PDSS2: variants seen among roughly 807,000 people sequenced by gnomAD.
The protein encoded by PDSS2 is decaprenyl diphosphate synthase subunit 2.
Under a neutral mutation model 44.5 loss-of-function variants are expected in PDSS2, and 31 were observed. That is an observed-to-expected ratio of 0.70 (90% CI 0.52 to 0.94). The LOEUF is 0.94. Among genes scored for constraint, PDSS2 ranks in the 40% least tolerant of loss-of-function variants. The pLI is 0.00. For synonymous variants in PDSS2, 157 were observed against 180.3 expected, an observed-to-expected ratio of 0.87 and a Z score of 1.03; for missense variants, 452 against 482.2, an observed-to-expected ratio of 0.94 and a Z score of 0.59.
intron 1 of PDSS2, among the ~76,000 whole-genome samples, chr6:107,400,826 C>T (rs1280190300): frequency 6.6e-6 from 1 of 152,192 alleles, no homozygotes; most frequent in East Asian, 1.9e-4. Flanking sequence ...CCTGGCCCAG[C>T]TCTACCCAGC....
intron 1 of PDSS2, among the ~76,000 whole-genome samples, chr6:107,428,204 A>T (rs1053573350): frequency 5.9e-5 from 9 of 152,246 alleles, no homozygotes; most frequent in African/African-American, 2.2e-4. Flanking sequence ...GAAGATTTCA[A>T]AATAAAAGGA....
intron 3 of PDSS2, among the ~76,000 whole-genome samples, chr6:107,261,207 GTCTCTTTCTGTCCCTTCCCAAA>G (rs1449351974): frequency 1.3e-5 from 2 of 152,172 alleles, no homozygotes; most frequent in Non-Finnish European, 2.9e-5. Context: ...TGTATACTGT[GTCTCTTTCTGTCCCTTCCCAAA>G]TCTCATGTTG....
At chr6:107,290,866 T>C (rs1026672544) in intron 2 of PDSS2, among the ~76,000 whole-genome samples, 4 of 152,138 alleles carry the variant, frequency 2.6e-5, no homozygotes, top group Non-Finnish European at 5.9e-5. Flanking sequence ...ATACTAGCTT[T>C]TTTCCCCCCA....
chr6:107,450,522 C>T (rs1190086261), intron 1 of PDSS2, among the ~76,000 whole-genome samples: 1 of 152,122 alleles, frequency 6.6e-6, no homozygotes. Context: ...ACTCCAAAAA[C>T]CATCAAGGTG....
chr6:107,370,967 G>C (rs534161094), intron 1 of PDSS2, among the ~76,000 whole-genome samples: 8 of 152,084 alleles, frequency 5.3e-5, no homozygotes, highest in Non-Finnish European at 1.0e-4. Flanking sequence ...GGCAGATCAC[G>C]AGGTCAGAAG....
intron 1 of PDSS2, among the ~76,000 whole-genome samples, chr6:107,373,048 A>G (rs1352795149): frequency 7.2e-6 from 1 of 139,772 alleles, no homozygotes; most frequent in Non-Finnish European, 1.5e-5. Context: ...CAGTGGTGTG[A>G]TCTCGGCTCA....
chr6:107,338,826 A>T (rs1408103991), intron 1 of PDSS2, among the ~76,000 whole-genome samples: 1 of 152,328 alleles, frequency 6.6e-6, no homozygotes, highest in East Asian at 1.9e-4. Context: ...CTGGAGGGGC[A>T]CAGGAGAGTT....
chr6:107,327,498 G>A (rs752975559), intron 2 of PDSS2, among the ~76,000 whole-genome samples: 1 of 152,214 alleles, frequency 6.6e-6, no homozygotes, highest in Non-Finnish European at 1.5e-5. Flanking sequence ...GACAGGGCCA[G>A]GCAGGCTGGG....
intron 4 of PDSS2, among the ~76,000 whole-genome samples, chr6:107,244,933 G>A (rs926164638): frequency 1.3e-5 from 2 of 152,012 alleles, no homozygotes; most frequent in Admixed American, 6.6e-5. Flanking sequence ...ACATCCTACC[G>A]AAATGAAATA....
At chr6:107,184,204 GT>G (rs1051516972) in intron 7 of PDSS2, among the ~76,000 whole-genome samples, 1 of 152,126 alleles carries the variant, frequency 6.6e-6, no homozygotes, top group Non-Finnish European at 1.5e-5. Flanking sequence ...TTTTCTAAAT[GT>G]GCCAATGTGA....
chr6:107,431,491 CT>C (rs373585861), intron 1 of PDSS2, among the ~76,000 whole-genome samples: 468 of 152,302 alleles, frequency 3.1e-3, no homozygotes, highest in African/African-American at 0.011. Context: ...TCATGCGAAC[CT>C]GCTGCTTTGG....
At chr6:107,272,448 C>A (rs1775633621) in intron 3 of PDSS2, among the ~76,000 whole-genome samples, 1 of 151,988 alleles carries the variant, frequency 6.6e-6, no homozygotes, top group African/African-American at 2.4e-5. Context: ...ATGCCTCGGG[C>A]CATGATGTGG....
At chr6:107,239,641 T>TC (rs1174063296) in intron 4 of PDSS2, among the ~76,000 whole-genome samples, 1 of 137,366 alleles carries the variant, frequency 7.3e-6, no homozygotes, top group African/African-American at 2.7e-5. Flanking sequence ...TACCTTTTTT[T>TC]TTTTTTTTTT....
At chr6:107,240,544 G>A (rs944464228) in intron 4 of PDSS2, among the ~76,000 whole-genome samples, 4 of 151,828 alleles carry the variant, frequency 2.6e-5, no homozygotes, top group South Asian at 2.1e-4. Flanking sequence ...GATTACAGGC[G>A]CGCACCACCA....
intron 1 of PDSS2, among the ~76,000 whole-genome samples, chr6:107,393,122 G>T (rs1779834085): frequency 6.6e-6 from 1 of 151,766 alleles, no homozygotes; most frequent in Non-Finnish European, 1.5e-5. Flanking sequence ...GTTTATTCAG[G>T]TAGAAGCTTA....
chr6:107,292,778 G>A (rs955123998), intron 2 of PDSS2, among the ~76,000 whole-genome samples: 1 of 151,974 alleles, frequency 6.6e-6, no homozygotes, highest in South Asian at 2.1e-4. Context: ...GGAGGAGGAG[G>A]GGCAGCTAAC....
chr6:107,180,799 C>T (rs1376061395), intron 7 of PDSS2, among the ~76,000 whole-genome samples: 1 of 152,072 alleles, frequency 6.6e-6, no homozygotes, highest in Non-Finnish European at 1.5e-5. Context: ...TTGTTATGAG[C>T]TAAATAATGT....
chr6:107,364,498 C>T (rs1472302762), intron 1 of PDSS2, among the ~76,000 whole-genome samples: 1 of 152,250 alleles, frequency 6.6e-6, no homozygotes, highest in Non-Finnish European at 1.5e-5. Context: ...TGCTAAGTCC[C>T]CCATTGCCCG....
intron 2 of PDSS2, among the ~76,000 whole-genome samples, chr6:107,321,927 T>C (rs949713212): frequency 6.6e-6 from 1 of 152,124 alleles, no homozygotes; most frequent in Non-Finnish European, 1.5e-5. Flanking sequence ...CATTACCACT[T>C]CCACCCCTGC....
Sources: allele counts gnomAD v4.1 joint callset (sites outside exome capture counted in the v4.1 genomes callset), GRCh38; gene constraint gnomAD v4.1.1; transcripts MANE v1.5; gene names NCBI Gene and HGNC (gene_info 2026-07-23, HGNC 2026-07-21).